Variants in PRKAR2B observed in about 807,000 individuals in gnomAD.
PRKAR2B encodes cAMP-dependent protein kinase type II-beta regulatory subunit.
A neutral mutation model predicts 49.9 loss-of-function variants in PRKAR2B; 14 were observed. The ratio of observed to expected loss-of-function variants is 0.28; its 90% CI spans 0.19 to 0.44. The LOEUF is 0.44. PRKAR2B is among the 20% of genes least tolerant of loss of function. The pLI is 1.00. For synonymous variants in PRKAR2B, 196 were observed against 197.7 expected (o/e 0.99, Z 0.07); for missense variants, 393 against 537.9 (o/e 0.73, Z 2.67).
rs576366894 is a variant in PRKAR2B, at chr7:107,051,072, G to A, written c.307+5858G>A. 7.2e-5 allele frequency among the ~76,000 whole-genome samples: 11 copies of A among 152,302 alleles called. No homozygotes were observed. In the South Asian group the frequency reaches 2.1e-3, roughly 29 times the overall value. On this transcript the variant is annotated intron_variant, in intron 1 of 10. Transcript: ENST00000265717. ...ATGATCAATTTTGTTAATAGATGGG[G>A]CAGGTGAGAGACAGAGAAGTTCCTT...
At chr7:107,140,670 A>T (rs956302729) in intron 4 of PRKAR2B, among the ~76,000 whole-genome samples, 177 bp from the exon 5 acceptor site, 5 of 152,198 alleles carry the variant, frequency 3.3e-5, no homozygotes, top group African/African-American at 1.2e-4. Context: ...GAGAGTATAT[A>T]ATCATCTTAT....
intron 2 of PRKAR2B, among the ~76,000 whole-genome samples, chr7:107,095,873 A>C (rs180959968): frequency 8.5e-5 from 13 of 152,278 alleles, no homozygotes; most frequent in Non-Finnish European, 1.5e-4. Flanking sequence ...ATGGTGGATA[A>C]GTTTCTTGAT....
chr7:107,134,201 G>A (rs1053466901), intron 4 of PRKAR2B, among the ~76,000 whole-genome samples: 1 of 151,912 alleles, frequency 6.6e-6, no homozygotes, highest in African/African-American at 2.4e-5. Context: ...GCTAATTTTT[G>A]TATTTTTAGT....
At chr7:107,057,008 C>T (rs890855097) in intron 1 of PRKAR2B, among the ~76,000 whole-genome samples, 1 of 152,178 alleles carries the variant, frequency 6.6e-6, no homozygotes, top group African/African-American at 2.4e-5. Context: ...ATTGCATCTG[C>T]TTATGTGAAC....
chr7:107,109,208 C>G (rs1795129407), intron 2 of PRKAR2B, among the ~76,000 whole-genome samples: 1 of 152,032 alleles, frequency 6.6e-6, no homozygotes, highest in African/African-American at 2.4e-5. Context: ...AATTCCTAGT[C>G]CTAGCTGGTT....
chr7:107,131,596 A>G (rs1795604877), intron 4 of PRKAR2B, among the ~76,000 whole-genome samples: 1 of 152,224 alleles, frequency 6.6e-6, no homozygotes, highest in Non-Finnish European at 1.5e-5. Flanking sequence ...AAGCAAATGT[A>G]TATACATAGT....
chr7:107,117,300 C>A (rs1795294142), intron 2 of PRKAR2B, among the ~76,000 whole-genome samples: 1 of 151,968 alleles, frequency 6.6e-6, no homozygotes, highest in Non-Finnish European at 1.5e-5. Context: ...AGTCACAACT[C>A]TGTTATTTAA....
At chr7:107,149,313 T>C (rs1032324803) in intron 6 of PRKAR2B, among the ~76,000 whole-genome samples, 1 of 152,196 alleles carries the variant, frequency 6.6e-6, no homozygotes, top group East Asian at 1.9e-4. Flanking sequence ...ACAAGATGTT[T>C]AATTTCCTAG....
intron 2 of PRKAR2B, among the ~76,000 whole-genome samples, chr7:107,099,436 A>G (rs1187317973): frequency 6.6e-6 from 1 of 152,112 alleles, no homozygotes; most frequent in Non-Finnish European, 1.5e-5. Context: ...TTAGCTAGGA[A>G]TGGGAATTCC....
rs1007188401 is a variant in PRKAR2B at position 107,045,203 on chromosome 7, G to A, written c.296G>A (p.Gly99Glu). The A allele has an allele frequency of 1.4e-6, 2 of 1,457,538 alleles. No homozygotes were observed. The highest frequency in any genetic ancestry group is 2.5e-4 in the Middle Eastern group (1 of 3,994). 90.3% of individuals were successfully genotyped at this position (1,457,538 alleles called of 1,614,324 possible). A position where few individuals can be genotyped will look rare whatever the true frequency, so the allele number is the denominator to read the frequency against. Reference protein sequence around the residue: ...EEEEAAPADAGAFNAPVINRF... With the variant: ...EEEEAAPADAEAFNAPVINRF... The stretch of plus-strand genomic sequence containing the variant: ...GAGGAGGCGGCGCCCGCGGACGCAG[G>A]GGCGTTCAATGGTGAGGACCAGACC... The change falls in exon 1 of 11, where the codon GGG (glycine) becomes GAG (glutamate). Residue 99 changes from glycine to glutamate, a missense_variant. Gly to Glu is a moderately conservative substitution (Grantham distance 98). Coordinates refer to ENST00000265717, the MANE Select transcript of PRKAR2B (RefSeq NM_002736.3).
At chr7:107,045,836 A>C (rs2116740743) in intron 1 of PRKAR2B, among the ~76,000 whole-genome samples, 1 of 152,336 alleles carries the variant, frequency 6.6e-6, no homozygotes, top group East Asian at 1.9e-4. Context: ...ACACGTAACA[A>C]AGGATTCTAT....
chr7:107,093,094 A>G (rs1456041392), intron 2 of PRKAR2B, among the ~76,000 whole-genome samples: 2 of 152,184 alleles, frequency 1.3e-5, no homozygotes, highest in East Asian at 3.9e-4. Context: ...TTATATGTAA[A>G]TATCACATTT....
chr7:107,130,095 C>T (rs991959732), intron 4 of PRKAR2B, among the ~76,000 whole-genome samples: 2 of 152,124 alleles, frequency 1.3e-5, no homozygotes, highest in Admixed American at 6.5e-5. Context: ...TCATGCACCT[C>T]GGACACTTTT....
chr7:107,160,987 A>G lies in PRKAR2B; in HGVS notation c.*1405A>G, dbSNP rs1212204655. 3 of 152,206 alleles carry G rather than the reference A, an allele frequency of 2.0e-5. No homozygotes were observed. Among genetic ancestry groups the G allele is most frequent in the Non-Finnish European group, 2.9e-5 (2 of 68,020 alleles). 9.4% of individuals were successfully genotyped at this position (152,206 alleles called of 1,614,324 possible). On this transcript the variant is annotated 3_prime_UTR_variant, in exon 11 of 11. Transcript: ENST00000265717. ...TTTAAATGAGTGATTTCATTTTGGG[A>G]AACAGGTTTCAAATGAATATATATA...
intron 6 of PRKAR2B, among the ~76,000 whole-genome samples, chr7:107,149,686 A>G (rs966368477): frequency 1.3e-5 from 2 of 152,262 alleles, no homozygotes; most frequent in Admixed American, 6.5e-5. Context: ...GTTGCAGTCC[A>G]TCACACCTAG....
At chr7:107,145,898 C>G (rs921099578) in intron 5 of PRKAR2B, among the ~76,000 whole-genome samples, 3 of 151,700 alleles carry the variant, frequency 2.0e-5, no homozygotes, top group Non-Finnish European at 2.9e-5. Flanking sequence ...CGCCATCACA[C>G]CCGGCTAATA....
chr7:107,155,129 C>G (rs950359224), intron 8 of PRKAR2B, among the ~76,000 whole-genome samples: 1 of 152,204 alleles, frequency 6.6e-6, no homozygotes, highest in African/African-American at 2.4e-5. Flanking sequence ...GGGGACGCTG[C>G]TGGCATACAC....
At chr7:107,145,137 G>A (rs769276070) in intron 5 of PRKAR2B, among the ~76,000 whole-genome samples, 12 of 152,134 alleles carry the variant, frequency 7.9e-5, no homozygotes, top group Non-Finnish European at 1.3e-4. Flanking sequence ...TAGAATGGGG[G>A]TTGATCTAAA....
intron 1 of PRKAR2B, among the ~76,000 whole-genome samples, chr7:107,058,294 CA>C (rs1310615275): frequency 6.6e-6 from 1 of 152,080 alleles, no homozygotes; most frequent in East Asian, 1.9e-4. Context: ...TGTAGAAAAA[CA>C]AAACTGTGTG....
Sources: allele counts gnomAD v4.1 joint callset (sites outside exome capture counted in the v4.1 genomes callset), GRCh38; gene constraint gnomAD v4.1.1; transcripts MANE v1.5; gene names NCBI Gene and HGNC (gene_info 2026-07-23, HGNC 2026-07-21).